Variants in TGFBR1 observed in about 807,000 individuals in gnomAD.
TGFBR1 encodes the protein TGF-beta receptor type-1.
A neutral mutation model predicts 55.1 loss-of-function variants in TGFBR1; 20 were observed. That is an observed-to-expected ratio of 0.36 (90% confidence interval 0.26 to 0.53). The LOEUF (loss-of-function observed/expected upper bound fraction) is 0.53, where lower values mean the gene tolerates loss of function less well. Among genes scored for constraint, TGFBR1 ranks in the 20% least tolerant of loss-of-function variants. TGFBR1 has a pLI of 0.91. For missense variants in TGFBR1, 385 were observed against 617.6 expected (o/e 0.62, Z 3.99); for synonymous variants, 220 against 214.8 (o/e 1.02, Z -0.21).
chr9:99,127,695 G>C, intron 1 of TGFBR1: 1 of 339,416 alleles, frequency 2.9e-6, no homozygotes, highest in Non-Finnish European at 5.7e-6. Context: ...TCCTTTTCTA[G>C]GTAGAGTGGA....
intron 6 of TGFBR1, among the ~76,000 whole-genome samples, chr9:99,145,204 T>G (rs544659731): frequency 6.6e-6 from 1 of 152,346 alleles, no homozygotes; most frequent in East Asian, 1.9e-4. Flanking sequence ...TTACCTCATT[T>G]AATCCCTTCT....
intron 3 of TGFBR1, among the ~76,000 whole-genome samples, chr9:99,134,240 T>C (rs1326227576): frequency 9.9e-5 from 15 of 152,220 alleles, no homozygotes; most frequent in Admixed American, 9.8e-4. Flanking sequence ...GAATTATTCT[T>C]CTATAGAATT....
rs546689062 is a variant in TGFBR1, at chr9:99,142,786, T to C, written c.973+83T>C. 74 of 1,491,952 alleles carry C rather than the reference T, an allele frequency of 5.0e-5. 2 individuals are homozygous for C. The South Asian group carries it at 6.9e-4, about 14-fold the overall frequency. The allele number at this position is 1,491,952 out of a possible 1,614,324, so 92.4% of individuals were successfully genotyped here. ...GAAAATAGAAGGTGGAGGCTGGGCC[T>C]GGTGGCTCATGCCTATAATCCCAGC... On this transcript the variant is annotated intron_variant, in intron 5 of 8. Coordinates refer to ENST00000374994, the MANE Select transcript of TGFBR1 (RefSeq NM_004612.4).
At position 99,151,614 on chromosome 9, in the gene TGFBR1, T is replaced by C; in HGVS notation, c.*2309T>C. On this transcript the variant is annotated 3_prime_UTR_variant, in exon 9 of 9. Coordinates refer to ENST00000374994, the MANE Select transcript of TGFBR1 (RefSeq NM_004612.4). Reference sequence around the variant, plus strand: ...AAGATATTTTTTATTGAATCAAAGATTGAGTTACAATTATACTTTTCTTAC... The same window carrying C: ...AAGATATTTTTTATTGAATCAAAGACTGAGTTACAATTATACTTTTCTTAC... 1 of 229,924 alleles carries C rather than the reference T, an allele frequency of 4.3e-6. No individual in the cohort carries two copies. The highest frequency in any genetic ancestry group is 8.6e-6 in the Non-Finnish European group (1 of 115,788). 14.2% of individuals were successfully genotyped at this position (229,924 alleles called of 1,614,324 possible).
At chr9:99,133,658 T>C (rs774804167) in intron 3 of TGFBR1, among the ~76,000 whole-genome samples, 2 of 152,212 alleles carry the variant, frequency 1.3e-5, no homozygotes, top group Non-Finnish European at 1.5e-5. Flanking sequence ...ATCAAAAATA[T>C]GGAACCCATA....
Position 99,132,506 on chromosome 9 carries a change from C to G in TGFBR1, c.344-3C>G. The G allele has an allele frequency of 6.2e-7, 1 of 1,613,932 alleles. No individual in the cohort carries two copies. The highest frequency in any genetic ancestry group is 8.5e-7 in the Non-Finnish European group (1 of 1,180,000). On this transcript the variant is annotated splice_region_variant and splice_polypyrimidine_tract_variant and intron_variant, in intron 2 of 8. Coordinates refer to ENST00000374994, the MANE Select transcript of TGFBR1 (RefSeq NM_004612.4). ...GTTTATTTCACTCGAGGCCCTTTTT[C>G]AGTAAAGTCATCACCTGGCCTTGGT...
At chr9:99,142,478 G>T (rs1827642987) in intron 4 of TGFBR1, 58 bp from the exon 5 acceptor site, 1 of 1,594,508 alleles carries the variant, frequency 6.3e-7, no homozygotes, top group Admixed American at 1.7e-5. Context: ...AATAACCATT[G>T]AACAAATAAA....
At position 99,153,914 on chromosome 9, in the gene TGFBR1, C is replaced by G. The variant is rs1243220592; in HGVS notation, c.*4609C>G. On this transcript the variant is annotated 3_prime_UTR_variant, in exon 9 of 9. Transcript: ENST00000374994. Reference sequence around the variant, plus strand: ...CATGATGGACCTGTCTACAGGTGATCTCTGTTGCCTTTGGGTCAGCACATT... The same window carrying G: ...CATGATGGACCTGTCTACAGGTGATGTCTGTTGCCTTTGGGTCAGCACATT... 1 of 214,694 alleles carries G rather than the reference C, an allele frequency of 4.7e-6. No individual in the cohort carries two copies. Among genetic ancestry groups the G allele is most frequent in the Non-Finnish European group, 9.4e-6 (1 of 106,182 alleles). 13.3% of individuals were successfully genotyped at this position (214,694 alleles called of 1,614,324 possible). A position where few individuals can be genotyped will look rare whatever the true frequency, so the allele number is the denominator to read the frequency against.
At chr9:99,105,911 C>G (rs934598641) in intron 1 of TGFBR1, among the ~76,000 whole-genome samples, 17 of 152,210 alleles carry the variant, frequency 1.1e-4, no homozygotes, top group African/African-American at 3.6e-4. Flanking sequence ...CCGCCCGGCT[C>G]GACCCGAGCC....
chr9:99,142,854 T>C (rs1267839944), intron 5 of TGFBR1, 151 bp downstream of exon 5: 2 of 825,816 alleles, frequency 2.4e-6, no homozygotes, highest in East Asian at 5.4e-5. Context: ...ATCTCAGGAG[T>C]TCATGGCCAG....
intron 3 of TGFBR1, among the ~76,000 whole-genome samples, chr9:99,136,535 A>G (rs547954914): frequency 2.1e-3 from 324 of 152,334 alleles, no homozygotes; most frequent in African/African-American, 7.3e-3. Flanking sequence ...TTGATTATAC[A>G]TAGTGCGAAA....
In TGFBR1 at chr9:99,132,234, A is replaced by G. The variant is rs116466865; in HGVS notation, c.344-275A>G. On this transcript the variant is annotated intron_variant, in intron 2 of 8. Coordinates refer to ENST00000374994, the MANE Select transcript of TGFBR1 (RefSeq NM_004612.4). ...TGATGTGATAAGTGGGGAAGGTCCTATGATATTGGCGGCAGTTGGCCTTGT... is the reference window on the plus strand; with the variant it reads ...TGATGTGATAAGTGGGGAAGGTCCTGTGATATTGGCGGCAGTTGGCCTTGT... Among the ~76,000 whole-genome samples the G allele has an allele frequency of 3.3e-3, 496 of 152,292 alleles. 5 individuals are homozygous for G. The highest frequency in any genetic ancestry group is 0.011 in the African/African-American group (468 of 41,568).
rs531809389 is a variant in TGFBR1 at position 99,112,428 on chromosome 9, G to A, written c.97+7126G>A. Among the ~76,000 whole-genome samples, 5 of 152,258 alleles carry A rather than the reference G, an allele frequency of 3.3e-5. No homozygotes were observed. In the East Asian group the frequency reaches 9.6e-4, roughly 29 times the overall value. The stretch of plus-strand genomic sequence containing the variant: ...TAAAATATTGTCATCATCCTACAGT[G>A]CTTTCCTTCTCTGTAACAATACCTT... On this transcript the variant is annotated intron_variant, in intron 1 of 8. Transcript: ENST00000374994.
intron 1 of TGFBR1, 133 bp downstream of exon 1, chr9:99,105,435 C>A: frequency 1.3e-6 from 1 of 791,422 alleles, no homozygotes; most frequent in Non-Finnish European, 1.5e-6. Flanking sequence ...CCGGGCCGGG[C>A]TCTCGTGGCG....
chr9:99,126,657 A>G (rs1253224747), intron 1 of TGFBR1, among the ~76,000 whole-genome samples: 1 of 152,166 alleles, frequency 6.6e-6, no homozygotes, highest in Non-Finnish European at 1.5e-5. Context: ...CATTTGGCTT[A>G]TAGTTTTATG....
chr9:99,104,258 G>A (rs1826336340), upstream of TGFBR1, among the ~76,000 whole-genome samples: 2 of 152,190 alleles, frequency 1.3e-5, no homozygotes, highest in Admixed American at 1.3e-4. Flanking sequence ...GCGGGAGCTG[G>A]GTGCTAAGAA....
intron 1 of TGFBR1, among the ~76,000 whole-genome samples, chr9:99,106,014 C>T (rs1325808886): frequency 6.6e-6 from 1 of 152,226 alleles, no homozygotes; most frequent in Admixed American, 6.5e-5. Context: ...TTCTTTCGTG[C>T]GTCTGGGGAG....
At chr9:99,133,996 TA>T (rs550064982) in intron 3 of TGFBR1, among the ~76,000 whole-genome samples, 1,421 of 110,612 alleles carry the variant, frequency 0.013, 10 homozygotes, top group African/African-American at 0.028. Flanking sequence ...AGACTCCATC[TA>T]AAAAAAAAAA....
intron 4 of TGFBR1, among the ~76,000 whole-genome samples, chr9:99,142,174 T>A (rs1435512552): frequency 6.6e-6 from 1 of 152,102 alleles, no homozygotes; most frequent in Non-Finnish European, 1.5e-5. Flanking sequence ...TAACCTTCTC[T>A]CCTTCCAGGA....
Sources: allele counts gnomAD v4.1 joint callset (sites outside exome capture counted in the v4.1 genomes callset), GRCh38; gene constraint gnomAD v4.1.1; transcripts MANE v1.5; gene names NCBI Gene and HGNC (gene_info 2026-07-23, HGNC 2026-07-21).